RBM39: variants seen among roughly 807,000 people sequenced by gnomAD.
The protein encoded by RBM39 is RNA-binding protein 39.
A neutral mutation model predicts 79.6 loss-of-function variants in RBM39; 12 were observed. That is an observed-to-expected ratio of 0.15 (90% CI 0.10 to 0.24). The LOEUF is 0.24. Among genes scored for constraint, RBM39 ranks in the 10% least tolerant of loss-of-function variants. The probability of loss-of-function intolerance (pLI) is 1.00; values close to 1 mark genes in which losing one functional copy is unlikely to be tolerated. For missense variants in RBM39, 243 were observed against 653.4 expected, an observed-to-expected ratio of 0.37 and a Z score of 6.85; for synonymous variants, 185 against 208.4, an observed-to-expected ratio of 0.89 and a Z score of 0.97.
chr20:35,724,802 T>C, intron 7 of RBM39, 80 bp from the exon 8 acceptor site: 2 of 1,468,204 alleles, frequency 1.4e-6, no homozygotes, highest in South Asian at 2.5e-5. Flanking sequence ...TGTTGAAGGA[T>C]GAAGGTATTT....
intron 8 of RBM39, among the ~76,000 whole-genome samples, chr20:35,724,338 A>G (rs552794552): frequency 6.6e-6 from 1 of 151,908 alleles, no homozygotes; most frequent in Non-Finnish European, 1.5e-5. Context: ...AAAACAAAAC[A>G]AAAAAAAGGC....
At chr20:35,721,910 A>T in intron 8 of RBM39, 33 bp from the exon 9 acceptor site, 1 of 1,605,708 alleles carries the variant, frequency 6.2e-7, no homozygotes, top group Non-Finnish European at 8.5e-7. Flanking sequence ...CACAGAGATA[A>T]CACACAGCAG....
intron 8 of RBM39, among the ~76,000 whole-genome samples, chr20:35,724,282 C>T (rs973073892): frequency 1.3e-5 from 2 of 151,074 alleles, no homozygotes; most frequent in Admixed American, 1.3e-4. Context: ...CAGTGAGCAG[C>T]GATCATGCCA....
chr20:35,716,910 A>C, intron 9 of RBM39, 105 bp from the exon 10 acceptor site: 1 of 686,390 alleles, frequency 1.5e-6, no homozygotes. Context: ...CATCCTCCAA[A>C]ATAGAAGACT....
At chr20:35,705,430 A>T (rs2035598561) in intron 14 of RBM39, 100 bp from the exon 15 acceptor site, 3 of 693,522 alleles carry the variant, frequency 4.3e-6, no homozygotes, top group East Asian at 3.1e-5. Context: ...AATTAAAAAA[A>T]ATACTTTGGA....
At chr20:35,733,563 C>T in intron 3 of RBM39, among the ~76,000 whole-genome samples, 1 of 151,954 alleles carries the variant, frequency 6.6e-6, no homozygotes, top group Admixed American at 6.6e-5. Flanking sequence ...GAGCCGAAAT[C>T]ATGCCACTGT....
At position 35,707,194 on chromosome 20, in the gene RBM39, A is replaced by G; in HGVS notation, c.1233T>C (p.Ala411=). 1 of 1,604,852 alleles carries G rather than the reference A, an allele frequency of 6.2e-7. No individual in the cohort carries two copies. The highest frequency in any genetic ancestry group is 8.5e-7 in the Non-Finnish European group (1 of 1,173,734). Residue 411 remains alanine, a synonymous_variant, in exon 14 of 17, where the codon GCT becomes GCC. Transcript: ENST00000253363. ...TRLSQQTEAS[A]LAAAASVQPL... is the part of the protein sequence containing the mutation. Reference sequence around the variant, plus strand: ...GCTGAACAGAGGCAGCTGCAGCTAAAGCTGAAGCTAAAAAAAGAAAGAGAA... The same window carrying G: ...GCTGAACAGAGGCAGCTGCAGCTAAGGCTGAAGCTAAAAAAAGAAAGAGAA...
At chr20:35,715,230 A>C (rs936653274) in intron 10 of RBM39, among the ~76,000 whole-genome samples, 10 of 152,210 alleles carry the variant, frequency 6.6e-5, no homozygotes, top group Admixed American at 2.0e-4. Context: ...TTTCATATAC[A>C]TGAGTGGCAC....
intron 8 of RBM39, among the ~76,000 whole-genome samples, chr20:35,724,319 T>G (rs2038380987): frequency 6.9e-6 from 1 of 144,660 alleles, no homozygotes; most frequent in Non-Finnish European, 1.5e-5. Context: ...TGAGAGAGAC[T>G]CCATCTCAAA....
intron 4 of RBM39, among the ~76,000 whole-genome samples, chr20:35,729,848 A>AC (rs1449457669): frequency 2.7e-5 from 4 of 147,536 alleles, no homozygotes; most frequent in African/African-American, 1.0e-4. Context: ...AGAATTAAAA[A>AC]AAAAAAAACA....
intron 11 of RBM39, 96 bp from the exon 12 acceptor site, chr20:35,713,192 T>C (rs1250410382): frequency 1.5e-5 from 16 of 1,073,538 alleles, no homozygotes; most frequent in Non-Finnish European, 1.9e-5. Context: ...CTAAAATAAA[T>C]TGCAAGGAGG....
chr20:35,719,801 T>C (rs918632380), intron 9 of RBM39, among the ~76,000 whole-genome samples: 5 of 152,202 alleles, frequency 3.3e-5, no homozygotes, highest in African/African-American at 1.2e-4. Context: ...ATGATTATTC[T>C]TTTTCTTTTC....
At chr20:35,736,562 A>C (rs6058312) in intron 3 of RBM39, 75,798 of 469,712 alleles carry the variant, frequency 0.16, 6,951 homozygotes, top group African/African-American at 0.3. Flanking sequence ...TGAAGCATTT[A>C]GGGATCTTAG....
At chr20:35,725,188 A>T in intron 6 of RBM39, 33 bp from the exon 7 acceptor site, 1 of 1,298,426 alleles carries the variant, frequency 7.7e-7, no homozygotes, top group South Asian at 1.3e-5. Context: ...AATTAATTTC[A>T]TAACAGATTT....
chr20:35,722,313 A>T (rs902828723), intron 8 of RBM39, among the ~76,000 whole-genome samples: 4 of 151,888 alleles, frequency 2.6e-5, no homozygotes, highest in African/African-American at 9.7e-5. Flanking sequence ...AGGCTGAGGC[A>T]GGAGAATGGC....
At chr20:35,736,531 G>A in intron 3 of RBM39, 1 of 469,972 alleles carries the variant, frequency 2.1e-6, no homozygotes. Context: ...GTTGTAGTGA[G>A]AAAGACTGAC....
intron 10 of RBM39, among the ~76,000 whole-genome samples, chr20:35,714,691 C>T (rs761361429): frequency 3.9e-5 from 6 of 152,116 alleles, no homozygotes; most frequent in Non-Finnish European, 5.9e-5. Context: ...TGGCTCACAC[C>T]TGTAATCTCA....
At chr20:35,734,248 G>C in intron 3 of RBM39, 1 of 1,303,464 alleles carries the variant, frequency 7.7e-7, no homozygotes, top group Non-Finnish European at 1.0e-6. Context: ...CAAGGAGGCA[G>C]AAAGTTTGTC....
At chr20:35,732,610 C>CTTTTTTTAA in intron 3 of RBM39, 1 of 157,104 alleles carries the variant, frequency 6.4e-6, no homozygotes, top group South Asian at 1.8e-4. Flanking sequence ...ATTAACATTA[C>CTTTTTTTAA]TGAAAATCAG....
Sources: gnomAD v4.1 joint callset for allele counts (sites outside exome capture counted in the v4.1 genomes callset) on GRCh38, gnomAD v4.1.1 for gene constraint, MANE v1.5 for transcripts, NCBI Gene and HGNC (gene_info 2026-07-23, HGNC 2026-07-21) for gene names.